The following GRIA2 variants were observed in gnomAD, a reference collection of about 807,000 sequenced individuals.
GRIA2 encodes glutamate ionotropic receptor AMPA type subunit 2.
In GRIA2, 14 loss-of-function variants were observed where a neutral mutation model predicts 97.3. The observed-to-expected ratio is 0.14, with a 90% CI of 0.10 to 0.23. The LOEUF (loss-of-function observed/expected upper bound fraction) is 0.23. Among genes scored for constraint, GRIA2 ranks in the 10% least tolerant of loss-of-function variants. The probability of loss-of-function intolerance (pLI) is 1.00; values close to 1 mark genes in which losing one functional copy is unlikely to be tolerated. For synonymous variants in GRIA2, 412 were observed against 387.8 expected (o/e 1.06, Z -0.73); for missense variants, 558 against 1,069.8 (o/e 0.52, Z 6.67).
In GRIA2 at chr4:157,334,137, GC is replaced by G; in HGVS notation, c.1266+19del. 8.2e-7 allele frequency: 1 copy of G among 1,221,900 alleles called. No individual in the cohort carries two copies. Among genetic ancestry groups the G allele is most frequent in the Non-Finnish European group, 1.2e-6 (1 of 822,650 alleles). 75.7% of individuals were successfully genotyped at this position (1,221,900 alleles called of 1,614,324 possible). A position where few individuals can be genotyped will look rare whatever the true frequency, so the allele number is the denominator to read the frequency against. ...ACAATTTTGGTAATTTGCTACATATGCCATGTTTTACTTTGTATTTTCTTAT... is the reference window on the plus strand; with the variant it reads ...ACAATTTTGGTAATTTGCTACATATGCATGTTTTACTTTGTATTTTCTTAT... On this transcript the variant is annotated intron_variant, in intron 9 of 15. Coordinates refer to ENST00000264426, the MANE Select transcript of GRIA2 (RefSeq NM_001083619.3).
In GRIA2 at chr4:157,361,131, C is replaced by T. The variant is rs773777009; in HGVS notation, c.2406+7C>T. The stretch of plus-strand genomic sequence containing the variant: ...CGGGGGAGGTGATTCCAAGGTCAGC[C>T]CCAGTGAGAAAAGTAATGGGTAACT... On this transcript the variant is annotated splice_region_variant and intron_variant, in intron 14 of 15. Transcript: ENST00000264426. The surrounding 1 kb of genome is among the most constrained non-coding windows in gnomAD (Gnocchi z 5.2). 1.9e-6 allele frequency: 3 copies of T among 1,588,392 alleles called. No homozygotes were observed. Among genetic ancestry groups the T allele is most frequent in the African/African-American group, 2.7e-5 (2 of 74,376 alleles).
chr4:157,354,565 G>A (rs1428935575), intron 12 of GRIA2, among the ~76,000 whole-genome samples: 1 of 152,156 alleles, frequency 6.6e-6, no homozygotes, highest in East Asian at 1.9e-4. Context: ...ACACAGAGAA[G>A]TCAAAGTATG....
chr4:157,294,703 C>A (rs1343246140), intron 2 of GRIA2, among the ~76,000 whole-genome samples: 1 of 152,022 alleles, frequency 6.6e-6, no homozygotes, highest in African/African-American at 2.4e-5. Context: ...CACACAGGCC[C>A]AAGTATGAGC....
intron 2 of GRIA2, among the ~76,000 whole-genome samples, chr4:157,279,895 C>T (rs565650749): frequency 5.3e-5 from 8 of 152,152 alleles, no homozygotes; most frequent in Admixed American, 2.6e-4. Context: ...GAGGCCAAGG[C>T]GGGTGGATCA....
chr4:157,294,037 CT>C (rs1733226471), intron 2 of GRIA2, among the ~76,000 whole-genome samples: 2 of 152,080 alleles, frequency 1.3e-5, no homozygotes, highest in Non-Finnish European at 2.9e-5. Context: ...CACATAAGTA[CT>C]ATGGCACATG....
At chr4:157,285,114 A>T (rs1732778421) in intron 2 of GRIA2, among the ~76,000 whole-genome samples, 1 of 151,598 alleles carries the variant, frequency 6.6e-6, no homozygotes, top group African/African-American at 2.4e-5. Context: ...CTATTTGTGG[A>T]TATGGCAGGG....
At chr4:157,353,708 AAAAC>A (rs1402720703) in intron 12 of GRIA2, among the ~76,000 whole-genome samples, 6 of 152,138 alleles carry the variant, frequency 3.9e-5, no homozygotes, top group East Asian at 1.9e-4. Flanking sequence ...AACAAACAAA[AAAAC>A]AAAAAAACCT....
chr4:157,363,593 C>G lies in GRIA2; in HGVS notation c.*162C>G, dbSNP rs1736737955. On this transcript the variant is annotated 3_prime_UTR_variant, in exon 16 of 16. Transcript: ENST00000264426. ...GAATGAATGTCAGTGTGACTGATCT[C>G]TCGTGATTGATAAGAACCTTTTGAG... The G allele has an allele frequency of 1.6e-6, 2 of 1,232,666 alleles. No homozygotes were observed. The highest frequency in any genetic ancestry group is 6.3e-5 in the East Asian group (2 of 31,662). The allele number at this position is 1,232,666 out of a possible 1,614,324, so 76.4% of individuals were successfully genotyped here.
At chr4:157,245,175 T>C (rs1730673678) in intron 2 of GRIA2, among the ~76,000 whole-genome samples, 1 of 152,012 alleles carries the variant, frequency 6.6e-6, no homozygotes, top group Admixed American at 6.6e-5. Flanking sequence ...GCTTCGAGTA[T>C]ACCAGGCCCT....
chr4:157,276,953 A>G (rs992730528), intron 2 of GRIA2, among the ~76,000 whole-genome samples: 4 of 151,974 alleles, frequency 2.6e-5, no homozygotes, highest in African/African-American at 4.8e-5. Context: ...CCAGGCCCAG[A>G]TAAGTTTACT....
chr4:157,227,695 T>C (rs775597526), intron 2 of GRIA2, among the ~76,000 whole-genome samples: 17 of 152,208 alleles, frequency 1.1e-4, no homozygotes, highest in Admixed American at 2.6e-4. Context: ...TTACAGTAGA[T>C]TGTACTGAAG....
chr4:157,357,166 G>A (rs1736420898), intron 12 of GRIA2, among the ~76,000 whole-genome samples: 1 of 152,058 alleles, frequency 6.6e-6, no homozygotes, highest in Admixed American at 6.6e-5. Context: ...GAAAGTAAAT[G>A]CATATATTCT....
At chr4:157,310,251 T>C (rs779167049) in intron 3 of GRIA2, among the ~76,000 whole-genome samples, 4 of 152,194 alleles carry the variant, frequency 2.6e-5, no homozygotes, top group Non-Finnish European at 5.9e-5. Flanking sequence ...AAAAATGACA[T>C]ATGGTCTTTT....
At chr4:157,340,902 G>A (rs1433806216) in intron 11 of GRIA2, among the ~76,000 whole-genome samples, 2 of 151,906 alleles carry the variant, frequency 1.3e-5, no homozygotes, top group African/African-American at 2.4e-5. Flanking sequence ...GTTTGCTGGT[G>A]ATATTACATT....
At chr4:157,229,658 T>C (rs1729913326) in intron 2 of GRIA2, among the ~76,000 whole-genome samples, 1 of 152,218 alleles carries the variant, frequency 6.6e-6, no homozygotes, top group African/African-American at 2.4e-5. Flanking sequence ...TATGGTTATG[T>C]TAATACTTAC....
chr4:157,334,560 T>C (rs1317342585), intron 9 of GRIA2: 1 of 155,408 alleles, frequency 6.4e-6, no homozygotes, highest in Non-Finnish European at 1.4e-5. Flanking sequence ...CCCTTGTTTT[T>C]ACTCCAAATT....
intron 2 of GRIA2, among the ~76,000 whole-genome samples, chr4:157,283,459 T>G: frequency 6.6e-6 from 1 of 151,990 alleles, no homozygotes; most frequent in East Asian, 1.9e-4. Flanking sequence ...TTAAATTACT[T>G]ATAATGTAGG....
At chr4:157,346,883 T>C (rs1735787466) in intron 12 of GRIA2, among the ~76,000 whole-genome samples, 1 of 152,176 alleles carries the variant, frequency 6.6e-6, no homozygotes. Context: ...TTGGCAGTTT[T>C]TCTTTCTCTG....
chr4:157,335,805 T>C lies in GRIA2; in HGVS notation c.1401T>C (p.Gly467=). Residue 467 remains glycine (G), a synonymous_variant, in exon 10 of 16, where the codon GGT becomes GGC. Coordinates refer to ENST00000264426, the MANE Select transcript of GRIA2 (RefSeq NM_001083619.3). Reference sequence around the variant, plus strand: ...TCAAGTACAAGTTGACAATTGTTGGTGATGGCAAGTATGGGGCCAGGGATG... The same window carrying C: ...TCAAGTACAAGTTGACAATTGTTGGCGATGGCAAGTATGGGGCCAGGGATG... ...CGFKYKLTIV[G]DGKYGARDAD... 6.2e-7 allele frequency: 1 copy of C among 1,612,932 alleles called. No homozygotes were observed. The highest frequency in any genetic ancestry group is 1.1e-5 in the South Asian group (1 of 91,060).
Sources: gnomAD v4.1 joint callset for allele counts (sites outside exome capture counted in the v4.1 genomes callset) on GRCh38, gnomAD v4.1.1 for gene constraint, Gnocchi (gnomAD v3.1) non-coding constraint, MANE v1.5 for transcripts, NCBI Gene and HGNC (gene_info 2026-07-23, HGNC 2026-07-21) for gene names.